Variants in PHKB observed in about 807,000 individuals in gnomAD.
PHKB encodes phosphorylase kinase regulatory subunit beta, also known as phosphorylase b kinase regulatory subunit beta.
Under a neutral mutation model 152.1 loss-of-function variants are expected in PHKB, and 122 were observed. The observed-to-expected ratio is 0.80, with a 90% CI of 0.69 to 0.93. The LOEUF is 0.93. PHKB is among the 40% of genes least tolerant of loss of function. The probability of loss-of-function intolerance (pLI) is 0.00; values close to 1 mark genes in which losing one functional copy is unlikely to be tolerated. For missense variants in PHKB, 1,304 were observed against 1,328.4 expected, an observed-to-expected ratio of 0.98 and a Z score of 0.29; for synonymous variants, 436 against 464.9, an observed-to-expected ratio of 0.94 and a Z score of 0.80.
In PHKB at chr16:47,700,841, GA is replaced by G. The variant is rs1310132845; in HGVS notation, c.*1476del. The G allele has an allele frequency of 3.3e-5, 5 of 152,060 alleles. No individual in the cohort carries two copies. The East Asian group carries it at 9.6e-4, about 29-fold the overall frequency. The allele number at this position is 152,060 out of a possible 1,614,324, so 9.4% of individuals were successfully genotyped here. Reference sequence around the variant, plus strand: ...GAGTGGCTTCAGTATTGAGTCAATCGATATCAAATGAATGGATGTGTGAGCA... The same window carrying G: ...GAGTGGCTTCAGTATTGAGTCAATCGTATCAAATGAATGGATGTGTGAGCA... On this transcript the variant is annotated 3_prime_UTR_variant, in exon 31 of 31. Coordinates refer to ENST00000323584, the MANE Select transcript of PHKB (RefSeq NM_000293.3).
At chr16:47,562,654 C>T (rs1971496293) in intron 7 of PHKB, among the ~76,000 whole-genome samples, 1 of 152,188 alleles carries the variant, frequency 6.6e-6, no homozygotes, top group Admixed American at 6.5e-5. Context: ...GAAGGTCTTG[C>T]CTCAGTCTTG....
intron 7 of PHKB, chr16:47,547,877 G>C (rs1158112157): frequency 6.1e-6 from 2 of 328,472 alleles, no homozygotes; most frequent in African/African-American, 4.4e-5. Context: ...TACCTCATTT[G>C]AAATGTCAAG....
Position 47,660,511 on chromosome 16 carries a change from A to G in PHKB, c.1977A>G (p.Leu659=). The change falls in exon 21 of 31, where the codon CTA becomes CTG. Residue 659 remains leucine, a synonymous_variant. Transcript: ENST00000323584. ...CTTTTTCGATCACGTTTCAGACACT[A>G]ATATCTGGAGCTGTGGTAGAACAAC... ...VKVHVDRLQT[L]ISGAVVEQLD... 1 of 1,612,812 alleles carries G rather than the reference A, an allele frequency of 6.2e-7. No homozygotes were observed. Among genetic ancestry groups the G allele is most frequent in the Non-Finnish European group, 8.5e-7 (1 of 1,178,832 alleles).
Position 47,649,123 on chromosome 16 carries a change from T to C in PHKB, c.1716T>C (p.Thr572=), listed in dbSNP as rs746052855. ...TSKIYRILGK[T]VVCYPIIFDL... Reference sequence around the variant, plus strand: ...AGATTTATCGCATTCTAGGAAAGACTGTGGTTTGTTACCCGATTATTTTCG... The same window carrying C: ...AGATTTATCGCATTCTAGGAAAGACCGTGGTTTGTTACCCGATTATTTTCG... Residue 572 remains threonine (T), a synonymous_variant, in exon 18 of 31, where the codon ACT becomes ACC. Transcript: ENST00000323584. 2.5e-6 allele frequency: 4 copies of C among 1,605,004 alleles called. No individual in the cohort carries two copies. The Admixed American group carries it at 6.7e-5, about 27-fold the overall frequency.
intron 14 of PHKB, among the ~76,000 whole-genome samples, chr16:47,637,762 AGT>A (rs907329030): frequency 3.3e-5 from 5 of 152,156 alleles, no homozygotes; most frequent in African/African-American, 1.2e-4. Context: ...GTAGTAGCTA[AGT>A]GTCTTAGTTT....
chr16:47,636,254 C>G (rs1316530219), intron 14 of PHKB, among the ~76,000 whole-genome samples: 1 of 152,224 alleles, frequency 6.6e-6, no homozygotes, highest in African/African-American at 2.4e-5. Context: ...GAAATATAAA[C>G]ATGGAAGCAT....
In PHKB at chr16:47,535,050, TTTG is replaced by T. The variant is rs760806355; in HGVS notation, c.595-12377_595-12375del. Among the ~76,000 whole-genome samples the T allele has an allele frequency of 8.5e-5, 13 of 152,330 alleles. 1 individual carries two copies. In the South Asian group the frequency reaches 2.7e-3, roughly 32 times the overall value. Reference sequence around the variant, plus strand: ...GAAGTAAATCAAGGTTACGCAAAGCTTTGTTGTTCCTGAGCAGTTACTCACTGC... The same window carrying T: ...GAAGTAAATCAAGGTTACGCAAAGCTTTGTTCCTGAGCAGTTACTCACTGC... On this transcript the variant is annotated intron_variant, in intron 6 of 30. Transcript: ENST00000323584.
intron 1 of PHKB, among the ~76,000 whole-genome samples, chr16:47,479,472 C>G (rs1478782100): frequency 7.6e-6 from 1 of 131,726 alleles, no homozygotes; most frequent in African/African-American, 2.8e-5. Context: ...TTTTTTTTTT[C>G]GCAAGATAGT....
chr16:47,583,504 CT>C (rs1405574194), intron 8 of PHKB, among the ~76,000 whole-genome samples: 1 of 152,164 alleles, frequency 6.6e-6, no homozygotes, highest in African/African-American at 2.4e-5. Context: ...TTGATATTCA[CT>C]GTTATTTCTA....
At chr16:47,587,272 T>G (rs1405304585) in intron 8 of PHKB, among the ~76,000 whole-genome samples, 6 of 152,320 alleles carry the variant, frequency 3.9e-5, no homozygotes, top group Middle Eastern at 3.4e-3. Context: ...ATTTGTTTAG[T>G]TTGATCATAT....
intron 13 of PHKB, among the ~76,000 whole-genome samples, chr16:47,604,204 T>A (rs1258882862): frequency 1.3e-5 from 2 of 152,218 alleles, no homozygotes; most frequent in Non-Finnish European, 2.9e-5. Context: ...GTTTTTCTTA[T>A]CAGCCTACAT....
At chr16:47,537,980 C>T (rs1970982965) in intron 6 of PHKB, among the ~76,000 whole-genome samples, 1 of 151,932 alleles carries the variant, frequency 6.6e-6, no homozygotes, top group Non-Finnish European at 1.5e-5. Flanking sequence ...CTGTCCTCAG[C>T]CTCCCAGGCT....
intron 10 of PHKB, among the ~76,000 whole-genome samples, chr16:47,593,091 A>G (rs2151699803): frequency 6.8e-6 from 1 of 146,188 alleles, no homozygotes; most frequent in South Asian, 2.4e-4. Flanking sequence ...ATCTCTGAGA[A>G]GAAAGAAAGA....
chr16:47,554,153 T>G (rs1254953982), intron 7 of PHKB, among the ~76,000 whole-genome samples: 1 of 152,160 alleles, frequency 6.6e-6, no homozygotes, highest in Admixed American at 6.5e-5. Flanking sequence ...CCCAGGGAGA[T>G]GGAAGTTTTA....
chr16:47,466,755 TTG>T (rs1260310327), intron 1 of PHKB, among the ~76,000 whole-genome samples: 1 of 152,220 alleles, frequency 6.6e-6, no homozygotes, highest in Non-Finnish European at 1.5e-5. Flanking sequence ...ATGCCTGATA[TTG>T]TTTTTTTTAA....
At chr16:47,683,272 C>A (rs1973897548) in intron 26 of PHKB, among the ~76,000 whole-genome samples, 2 of 152,314 alleles carry the variant, frequency 1.3e-5, no homozygotes, top group South Asian at 4.1e-4. Context: ...GCTGGGAGAA[C>A]CACTACTCTC....
chr16:47,588,641 T>C (rs1468709356), intron 9 of PHKB, among the ~76,000 whole-genome samples: 1 of 152,208 alleles, frequency 6.6e-6, no homozygotes, highest in East Asian at 1.9e-4. Flanking sequence ...TTGTGACAAC[T>C]GTTAAATTTT....
At position 47,673,704 on chromosome 16, in the gene PHKB, C is replaced by T. The variant is rs561752632; in HGVS notation, c.2630+4287C>T. ...CACTCAAAAGATCACTCTAGTAAAC[C>T]ATCCTTCTCTTCCTCCATCACTATA... On this transcript the variant is annotated intron_variant, in intron 26 of 30. Coordinates refer to ENST00000323584, the MANE Select transcript of PHKB (RefSeq NM_000293.3). 3.3e-4 allele frequency among the ~76,000 whole-genome samples: 50 copies of T among 152,224 alleles called. 1 individual carries two copies. The highest frequency in any genetic ancestry group is 1.2e-3 in the African/African-American group (50 of 41,554).
intron 4 of PHKB, among the ~76,000 whole-genome samples, chr16:47,507,098 C>T (rs1970433004): frequency 6.6e-6 from 1 of 152,110 alleles, no homozygotes; most frequent in African/African-American, 2.4e-5. Context: ...CTCAGCCTCC[C>T]AAGTAGCTGG....
Sources: allele counts gnomAD v4.1 joint callset (sites outside exome capture counted in the v4.1 genomes callset), GRCh38; gene constraint gnomAD v4.1.1; transcripts MANE v1.5; gene names NCBI Gene and HGNC (gene_info 2026-07-23, HGNC 2026-07-21).